The following ZFAND5 variants were observed in gnomAD, a reference collection of about 807,000 sequenced individuals.
ZFAND5 encodes AN1-type zinc finger protein 5.
A neutral mutation model predicts 23.6 loss-of-function variants in ZFAND5; 4 were observed. The ratio of observed to expected loss-of-function variants is 0.17; its 90% confidence interval spans 0.08 to 0.39. ZFAND5 has a LOEUF of 0.39. ZFAND5 is among the 10% of genes least tolerant of loss of function. The pLI is 1.00. For missense variants in ZFAND5, 161 were observed against 253.7 expected (o/e 0.63, Z 2.48); for synonymous variants, 68 against 80.6 (o/e 0.84, Z 0.84).
At position 72,364,727 on chromosome 9, in the gene ZFAND5, C is replaced by A; in HGVS notation, c.-178G>T. 1 of 769,732 alleles carries A rather than the reference C, an allele frequency of 1.3e-6. No individual in the cohort carries two copies. The highest frequency in any genetic ancestry group is 1.6e-6 in the Non-Finnish European group (1 of 607,130). The allele number at this position is 769,732 out of a possible 1,614,324, so 47.7% of individuals were successfully genotyped here. A position where few individuals can be genotyped will look rare whatever the true frequency, so the allele number is the denominator to read the frequency against. On this transcript the variant is annotated 5_prime_UTR_variant, in exon 1 of 7. Coordinates refer to ENST00000376962, the MANE Select transcript of ZFAND5 (RefSeq NM_001102420.3). ...GGGTCCCAAATGCGAAAGCCGGGTTCGCGCGCGAAGCCGGCACGATGAGGC... is the reference window on the plus strand; with the variant it reads ...GGGTCCCAAATGCGAAAGCCGGGTTAGCGCGCGAAGCCGGCACGATGAGGC...
chr9:72,357,101 A>T, intron 5 of ZFAND5, 45 bp from the exon 6 acceptor site: 2 of 1,589,346 alleles, frequency 1.3e-6, no homozygotes, highest in Non-Finnish European at 1.7e-6. Flanking sequence ...TCACTGGCTA[A>T]CATTTTTAAG....
chr9:72,358,611 G>C (rs1364864542), intron 5 of ZFAND5, among the ~76,000 whole-genome samples: 3 of 152,166 alleles, frequency 2.0e-5, no homozygotes, highest in Non-Finnish European at 4.4e-5. Flanking sequence ...GCCAAATATA[G>C]ATTCACCTGC....
In ZFAND5 at chr9:72,351,950, ATAAGT is replaced by A. The variant is rs1309271355; in HGVS notation, c.*3998_*4002del. On this transcript the variant is annotated 3_prime_UTR_variant, in exon 7 of 7. Transcript: ENST00000376962. Reference sequence around the variant, plus strand: ...ACCATACCTATCACTCTCCAAAATTATAAGTTAATACTTATGGACAAAAACCACTA... The same window carrying A: ...ACCATACCTATCACTCTCCAAAATTATAATACTTATGGACAAAAACCACTA... The A allele has an allele frequency of 6.6e-6, 1 of 152,182 alleles. No individual in the cohort carries two copies. The highest frequency in any genetic ancestry group is 1.5e-5 in the Non-Finnish European group (1 of 68,040). 9.4% of individuals were successfully genotyped at this position (152,182 alleles called of 1,614,324 possible). A position where few individuals can be genotyped will look rare whatever the true frequency, so the allele number is the denominator to read the frequency against.
intron 3 of ZFAND5, 69 bp from the exon 4 acceptor site, chr9:72,360,290 TAATA>T (rs1359511276): frequency 2.1e-5 from 27 of 1,284,774 alleles, no homozygotes; most frequent in Non-Finnish European, 2.6e-5. Flanking sequence ...CAAGACGTAG[TAATA>T]AATACTTGCA....
At chr9:72,360,853 G>A in intron 2 of ZFAND5, 66 bp from the exon 3 acceptor site, 1 of 1,406,692 alleles carries the variant, frequency 7.1e-7, no homozygotes, top group Non-Finnish European at 9.5e-7. Flanking sequence ...ATAATCATCG[G>A]TATACCGTTG....
intron 4 of ZFAND5, 116 bp from the exon 5 acceptor site, chr9:72,359,637 CTAGA>C (rs1842041370): frequency 5.2e-6 from 5 of 954,418 alleles, no homozygotes; most frequent in East Asian, 2.8e-5. Context: ...GCAAATGGAG[CTAGA>C]TAATCTAAAG....
intron 6 of ZFAND5, 111 bp from the exon 7 acceptor site, chr9:72,356,212 AG>A (rs1841937212): frequency 7.5e-7 from 1 of 1,332,430 alleles, no homozygotes. Context: ...GTAACATAAA[AG>A]ACAGTGAACT....
At chr9:72,357,681 G>C (rs568545592) in intron 5 of ZFAND5, among the ~76,000 whole-genome samples, 1 of 151,930 alleles carries the variant, frequency 6.6e-6, no homozygotes, top group East Asian at 1.9e-4. Flanking sequence ...AAAACAGATC[G>C]GCAAACAGTC....
chr9:72,360,025 ATCTATTAACTTATTAT>A (rs1207497838), intron 4 of ZFAND5, 69 bp downstream of exon 4: 1 of 1,106,608 alleles, frequency 9.0e-7, no homozygotes, highest in Admixed American at 2.4e-5. Flanking sequence ...AGCCAAGGGT[ATCTATTAACTTATTAT>A]TGGACCAGTA....
chr9:72,360,621 A>T lies in ZFAND5; in HGVS notation c.151+7T>A. ...TTCAAATGTGTTTTTCCTTGGAAAT[A>T]ACTTACCCATTGGGCTCATTCTGCC... is the stretch of plus-strand genomic sequence containing the variant. On this transcript the variant is annotated splice_region_variant and intron_variant, in intron 3 of 6. Transcript: ENST00000376962. 5 of 1,613,546 alleles carry T rather than the reference A, an allele frequency of 3.1e-6. No individual in the cohort carries two copies. The highest frequency in any genetic ancestry group is 4.2e-6 in the Non-Finnish European group (5 of 1,179,796).
In ZFAND5 at chr9:72,355,852, T is replaced by C; in HGVS notation, c.*101A>G. On this transcript the variant is annotated 3_prime_UTR_variant, in exon 7 of 7. Coordinates refer to ENST00000376962, the MANE Select transcript of ZFAND5 (RefSeq NM_001102420.3). ...GACAGACAAGTGTAATGTAAAACTC[T>C]GGAGAACATCAAAGAAAAATGGCCA... 1.8e-6 allele frequency: 2 copies of C among 1,103,644 alleles called. No individual in the cohort carries two copies. Among genetic ancestry groups the C allele is most frequent in the South Asian group, 1.6e-5 (1 of 60,846 alleles). 68.4% of individuals were successfully genotyped at this position (1,103,644 alleles called of 1,614,324 possible).
At chr9:72,361,454 T>C (rs1352053301) in intron 2 of ZFAND5, among the ~76,000 whole-genome samples, 1 of 152,196 alleles carries the variant, frequency 6.6e-6, no homozygotes, top group Non-Finnish European at 1.5e-5. Flanking sequence ...AGTTTCAGAG[T>C]ATGTCAAAGC....
chr9:72,359,541 C>T lies in ZFAND5; in HGVS notation c.264-20G>A, dbSNP rs778350630. On this transcript the variant is annotated intron_variant, in intron 4 of 6. Coordinates refer to ENST00000376962, the MANE Select transcript of ZFAND5 (RefSeq NM_001102420.3). ...ACATTTCTATTTGAGTTCAAGCAAA[C>T]AATTTTTAAAGGTGTTAAGGGTACT... 1 of 1,610,156 alleles carries T rather than the reference C, an allele frequency of 6.2e-7. No individual in the cohort carries two copies. The highest frequency in any genetic ancestry group is 8.5e-7 in the Non-Finnish European group (1 of 1,177,548).
Position 72,364,693 on chromosome 9 carries a change from C to T in ZFAND5, c.-147+3G>A, listed in dbSNP as rs1482936824. On this transcript the variant is annotated splice_donor_region_variant and intron_variant, in intron 1 of 6. Transcript: ENST00000376962. ...CTCCCACCCGCAGCCCCGTATCACT[C>T]ACCCTGCAGGGTCCCAAATGCGAAA... 3.0e-6 allele frequency: 3 copies of T among 1,008,252 alleles called. No homozygotes were observed. Among genetic ancestry groups the T allele is most frequent in the East Asian group, 1.1e-4 (1 of 9,218 alleles). 62.5% of individuals were successfully genotyped at this position (1,008,252 alleles called of 1,614,324 possible).
chr9:72,360,046 C>G, intron 4 of ZFAND5, 64 bp downstream of exon 4: 1 of 1,354,680 alleles, frequency 7.4e-7, no homozygotes, highest in Non-Finnish European at 1.0e-6. Flanking sequence ...TATTATTGGA[C>G]CAGTACAGAC....
rs1407885196 is a variant in ZFAND5 at position 72,354,075 on chromosome 9, CTCTG to C, written c.*1874_*1877del. Reference sequence around the variant, plus strand: ...ACAGAGACCAAGTCCATGGGTGAATCTCTGTATTAGAGCCAAACCCAAAACAGAA... The same window carrying C: ...ACAGAGACCAAGTCCATGGGTGAATCTATTAGAGCCAAACCCAAAACAGAA... On this transcript the variant is annotated 3_prime_UTR_variant, in exon 7 of 7. Coordinates refer to ENST00000376962, the MANE Select transcript of ZFAND5 (RefSeq NM_001102420.3). 2.6e-5 allele frequency: 4 copies of C among 152,138 alleles called. No homozygotes were observed. Among genetic ancestry groups the C allele is most frequent in the Admixed American group, 6.5e-5 (1 of 15,274 alleles). The allele number at this position is 152,138 out of a possible 1,614,324, so 9.4% of individuals were successfully genotyped here.
intron 2 of ZFAND5, among the ~76,000 whole-genome samples, chr9:72,363,064 G>A (rs909172): frequency 0.45 from 67,705 of 151,944 alleles, 15,036 homozygotes; most frequent in Admixed American, 0.46. Flanking sequence ...GAAGATGAAA[G>A]CATAGTCAAA....
chr9:72,356,310 T>C (rs1338364054), intron 6 of ZFAND5, among the ~76,000 whole-genome samples: 2 of 152,232 alleles, frequency 1.3e-5, no homozygotes, highest in Non-Finnish European at 2.9e-5. Context: ...TTAACTTCCT[T>C]TGACATGGTG....
In ZFAND5 at chr9:72,351,620, G is replaced by T. The variant is rs1004987130; in HGVS notation, c.*4333C>A. On this transcript the variant is annotated 3_prime_UTR_variant, in exon 7 of 7. Coordinates refer to ENST00000376962, the MANE Select transcript of ZFAND5 (RefSeq NM_001102420.3). ...TTTTTTTTTTTTACATTTGCTACACGGTATTTATTCAATGACTGTATATTT... is the reference window on the plus strand; with the variant it reads ...TTTTTTTTTTTTACATTTGCTACACTGTATTTATTCAATGACTGTATATTT... 6.9e-6 allele frequency: 1 copy of T among 144,804 alleles called. No homozygotes were observed. Among genetic ancestry groups the T allele is most frequent in the East Asian group, 2.0e-4 (1 of 4,956 alleles). 9.0% of individuals were successfully genotyped at this position (144,804 alleles called of 1,614,324 possible). A position where few individuals can be genotyped will look rare whatever the true frequency, so the allele number is the denominator to read the frequency against.
Sources: gnomAD v4.1 joint callset for allele counts (sites outside exome capture counted in the v4.1 genomes callset) on GRCh38, gnomAD v4.1.1 for gene constraint, MANE v1.5 for transcripts, NCBI Gene and HGNC (gene_info 2026-07-23, HGNC 2026-07-21) for gene names.